The following TMPRSS11D variants were observed in gnomAD, a reference collection of about 807,000 sequenced individuals.
TMPRSS11D encodes the protein transmembrane serine protease 11D.
A neutral mutation model predicts 44.4 loss-of-function variants in TMPRSS11D; 32 were observed. That is an observed-to-expected ratio of 0.72 (90% CI 0.54 to 0.97). TMPRSS11D has a LOEUF of 0.97. Ranked by LOEUF, TMPRSS11D falls within the 50% of genes least tolerant of loss-of-function variation. The pLI is 0.00. For missense variants in TMPRSS11D, 446 were observed against 502.6 expected (o/e 0.89, Z 1.08); for synonymous variants, 179 against 177.9 (o/e 1.01, Z -0.05).
chr4:67,882,945 A>G (rs751947876), intron 1 of TMPRSS11D, among the ~76,000 whole-genome samples: 1 of 152,000 alleles, frequency 6.6e-6, no homozygotes, highest in Non-Finnish European at 1.5e-5. Flanking sequence ...CATTTCTTGT[A>G]TCTATTACAT....
chr4:67,832,139 A>C (rs1717960582), intron 7 of TMPRSS11D, among the ~76,000 whole-genome samples: 1 of 152,144 alleles, frequency 6.6e-6, no homozygotes, highest in African/African-American at 2.4e-5. Flanking sequence ...GGAAGAGAAC[A>C]ATGCTGTTTA....
chr4:67,868,973 A>G (rs1372880227), intron 1 of TMPRSS11D, among the ~76,000 whole-genome samples: 1 of 152,250 alleles, frequency 6.6e-6, no homozygotes, highest in African/African-American at 2.4e-5. Flanking sequence ...TAGAGAATTC[A>G]GTGCCAAGGG....
chr4:67,845,248 C>A (rs1211916074), intron 3 of TMPRSS11D, among the ~76,000 whole-genome samples: 4 of 152,170 alleles, frequency 2.6e-5, no homozygotes, highest in African/African-American at 9.7e-5. Context: ...AATAAGATTT[C>A]ATATTTCACA....
chr4:67,878,870 G>A (rs1408051522), intron 1 of TMPRSS11D, among the ~76,000 whole-genome samples: 3 of 152,096 alleles, frequency 2.0e-5, no homozygotes, highest in African/African-American at 7.2e-5. Context: ...AGGTCGCAGT[G>A]AGCCGAGATT....
At chr4:67,836,291 C>G (rs1426573398) in intron 5 of TMPRSS11D, among the ~76,000 whole-genome samples, 1 of 152,142 alleles carries the variant, frequency 6.6e-6, no homozygotes, top group Admixed American at 6.6e-5. Context: ...CCTTACCAGA[C>G]TGATCTTTTT....
intron 4 of TMPRSS11D, among the ~76,000 whole-genome samples, chr4:67,840,294 C>G (rs557264369): frequency 1.3e-5 from 2 of 151,958 alleles, no homozygotes; most frequent in Non-Finnish European, 2.9e-5. Context: ...ATCTTTCTTA[C>G]ATGGTGGCAG....
At chr4:67,835,012 A>G in intron 6 of TMPRSS11D, 71 bp downstream of exon 6, 1 of 1,407,342 alleles carries the variant, frequency 7.1e-7, no homozygotes, top group African/African-American at 1.4e-5. Flanking sequence ...GGCCAAAAGT[A>G]CACAAAAGAC....
rs373720217 is a variant in TMPRSS11D at position 67,867,986 on chromosome 4, G to T, written c.9-8308C>A. Among the ~76,000 whole-genome samples, 25 of 152,058 alleles carry T rather than the reference G, an allele frequency of 1.6e-4. No individual in the cohort carries two copies. The South Asian group carries it at 5.0e-3, about 30-fold the overall frequency. ...TATTGGGTATCTACCCAAAGGAAAA[G>T]AAATTATATCAAAAATTACCTGTAC... On this transcript the variant is annotated intron_variant, in intron 1 of 9. Transcript: ENST00000283916.
intron 2 of TMPRSS11D, 49 bp from the exon 3 acceptor site, chr4:67,854,235 GA>G: frequency 2.0e-6 from 2 of 991,678 alleles, no homozygotes; most frequent in Non-Finnish European, 3.0e-6. Flanking sequence ...CTAAGTTGTT[GA>G]ACCTTTAATT....
intron 1 of TMPRSS11D, among the ~76,000 whole-genome samples, chr4:67,865,966 G>C (rs1357143541): frequency 6.6e-6 from 1 of 151,884 alleles, no homozygotes; most frequent in Admixed American, 6.6e-5. Flanking sequence ...AAATATTGAG[G>C]AGGAGGGAAT....
intron 5 of TMPRSS11D, chr4:67,837,936 ATAAT>A: frequency 2.9e-6 from 1 of 340,040 alleles, no homozygotes; most frequent in Non-Finnish European, 5.2e-6. Context: ...TGTTGCAGGG[ATAAT>A]TAATGAGAAT....
intron 4 of TMPRSS11D, among the ~76,000 whole-genome samples, chr4:67,842,241 A>G (rs773127852): frequency 5.3e-5 from 8 of 152,230 alleles, no homozygotes; most frequent in Non-Finnish European, 8.8e-5. Context: ...GACTGTTTAC[A>G]TAGGCTGCAC....
At chr4:67,865,565 A>G (rs555176199) in intron 1 of TMPRSS11D, among the ~76,000 whole-genome samples, 36 of 151,844 alleles carry the variant, frequency 2.4e-4, no homozygotes, top group Admixed American at 2.0e-3. Context: ...GATAAAGAAA[A>G]TTGATAGACC....
chr4:67,868,102 A>G (rs923224763), intron 1 of TMPRSS11D, among the ~76,000 whole-genome samples: 10 of 152,034 alleles, frequency 6.6e-5, no homozygotes, highest in Admixed American at 5.9e-4. Context: ...AGAAATATAT[A>G]TATATATGAA....
chr4:67,845,523 A>T (rs987892096), intron 3 of TMPRSS11D, among the ~76,000 whole-genome samples: 8 of 152,166 alleles, frequency 5.3e-5, no homozygotes, highest in African/African-American at 1.9e-4. Flanking sequence ...ACTACTGCAA[A>T]TCATAGAGAC....
chr4:67,868,528 C>T (rs920040036), intron 1 of TMPRSS11D, among the ~76,000 whole-genome samples: 2 of 152,118 alleles, frequency 1.3e-5, no homozygotes, highest in African/African-American at 2.4e-5. Context: ...CCTTGAAAGA[C>T]GGGTAGGCCC....
intron 1 of TMPRSS11D, among the ~76,000 whole-genome samples, chr4:67,880,272 T>C (rs555448419): frequency 6.6e-6 from 1 of 152,242 alleles, no homozygotes; most frequent in Admixed American, 6.5e-5. Flanking sequence ...ACTTTAAATG[T>C]GATGTGTTTA....
chr4:67,869,387 TAAG>T (rs964061430), intron 1 of TMPRSS11D, among the ~76,000 whole-genome samples: 5 of 152,072 alleles, frequency 3.3e-5, no homozygotes, highest in African/African-American at 7.2e-5. Context: ...TATCTAGTAA[TAAG>T]AAGAAACAAC....
intron 3 of TMPRSS11D, among the ~76,000 whole-genome samples, chr4:67,844,037 A>G (rs969100521): frequency 2.0e-5 from 3 of 152,240 alleles, no homozygotes; most frequent in Admixed American, 6.5e-5. Flanking sequence ...TCAGATTCAT[A>G]GTCAACTGGA....
Sources: gnomAD v4.1 joint callset for allele counts (sites outside exome capture counted in the v4.1 genomes callset) on GRCh38, gnomAD v4.1.1 for gene constraint, MANE v1.5 for transcripts, NCBI Gene and HGNC (gene_info 2026-07-23, HGNC 2026-07-21) for gene names.